Variants in PPP1R42 observed in about 807,000 individuals in gnomAD.
The protein encoded by PPP1R42 is protein phosphatase 1 regulatory subunit 42.
A neutral mutation model predicts 31.0 loss-of-function variants in PPP1R42; 34 were observed. The ratio of observed to expected loss-of-function variants is 1.10; its 90% CI spans 0.83 to 1.46. PPP1R42 has a LOEUF of 1.46. PPP1R42 is among the 40% of genes most tolerant of loss of function. The probability of loss-of-function intolerance (pLI) is 0.00; values close to 1 mark genes in which losing one functional copy is unlikely to be tolerated. For missense variants in PPP1R42, 268 were observed against 303.0 expected, an observed-to-expected ratio of 0.88 and a Z score of 0.86; for synonymous variants, 103 against 109.8, an observed-to-expected ratio of 0.94 and a Z score of 0.39.
chr8:66,976,925 G>C (rs190183511), intron 7 of PPP1R42, among the ~76,000 whole-genome samples: 4 of 152,070 alleles, frequency 2.6e-5, no homozygotes, highest in African/African-American at 9.7e-5. Context: ...ATGGTCAGTA[G>C]TGGGATTGCT....
At chr8:67,020,588 T>A (rs1295213995) in intron 1 of PPP1R42, among the ~76,000 whole-genome samples, 1 of 152,210 alleles carries the variant, frequency 6.6e-6, no homozygotes, top group Non-Finnish European at 1.5e-5. Context: ...TTACTTCAAT[T>A]TCTTACAAAA....
intron 1 of PPP1R42, among the ~76,000 whole-genome samples, chr8:67,021,950 TTGAG>T (rs767405758): frequency 9.9e-5 from 15 of 151,710 alleles, no homozygotes; most frequent in Non-Finnish European, 1.3e-4. Context: ...TGATTGATCT[TTGAG>T]TATTTCTTTT....
At chr8:66,990,308 T>TAA (rs59506662) in intron 5 of PPP1R42, among the ~76,000 whole-genome samples, 20,335 of 152,116 alleles carry the variant, frequency 0.13, 2,754 homozygotes, top group African/African-American at 0.35. Context: ...TTAATATAGA[T>TAA]AAAGAGTGCT....
At chr8:67,004,280 A>G (rs984671475) in intron 5 of PPP1R42, among the ~76,000 whole-genome samples, 2 of 152,044 alleles carry the variant, frequency 1.3e-5, no homozygotes, top group African/African-American at 2.4e-5. Context: ...CCAGAAACCA[A>G]CCTTTGCTGC....
At chr8:67,016,186 C>CAA (rs1816012376) in intron 2 of PPP1R42, among the ~76,000 whole-genome samples, 1 of 152,062 alleles carries the variant, frequency 6.6e-6, no homozygotes. Context: ...GGGGTCCCTA[C>CAA]AAAAAAACCA....
intron 7 of PPP1R42, among the ~76,000 whole-genome samples, chr8:66,964,759 A>G (rs1814335425): frequency 6.6e-6 from 1 of 152,140 alleles, no homozygotes; most frequent in Non-Finnish European, 1.5e-5. Flanking sequence ...TCACATTTCA[A>G]CTATTTCTCT....
At chr8:66,991,571 G>A (rs567368449) in intron 5 of PPP1R42, among the ~76,000 whole-genome samples, 2 of 152,136 alleles carry the variant, frequency 1.3e-5, no homozygotes, top group Non-Finnish European at 2.9e-5. Flanking sequence ...TGGGTCATCC[G>A]TCCACCAAGT....
At chr8:66,966,557 G>A (rs1460904327) in intron 7 of PPP1R42, among the ~76,000 whole-genome samples, 2 of 152,092 alleles carry the variant, frequency 1.3e-5, no homozygotes, top group Admixed American at 6.6e-5. Context: ...AGGCCGAGAC[G>A]GGTGGATCAC....
intron 6 of PPP1R42, among the ~76,000 whole-genome samples, chr8:66,986,524 A>G (rs1039825790): frequency 4.6e-5 from 7 of 152,214 alleles, no homozygotes; most frequent in African/African-American, 9.6e-5. Flanking sequence ...ACACGTGACC[A>G]GAGTGGGCCG....
chr8:67,014,362 C>A, intron 3 of PPP1R42, 64 bp downstream of exon 3: 1 of 985,394 alleles, frequency 1.0e-6, no homozygotes, highest in Non-Finnish European at 1.4e-6. Flanking sequence ...TGCCTTCATG[C>A]AAAAAAATGT....
intron 5 of PPP1R42, among the ~76,000 whole-genome samples, chr8:67,004,717 C>A (rs776915540): frequency 1.3e-5 from 2 of 152,006 alleles, no homozygotes; most frequent in Non-Finnish European, 2.9e-5. Context: ...TGATTTATTT[C>A]TTCGGAATTC....
chr8:67,028,529 C>G lies in PPP1R42; in HGVS notation c.-123G>C, dbSNP rs1816471067. On this transcript the variant is annotated 5_prime_UTR_variant, in exon 1 of 8. Coordinates refer to ENST00000685739, the MANE Select transcript of PPP1R42 (RefSeq NM_001364910.1). ...GTCCGGTAGCTAACTCCAGTTTGGT[C>G]GGTTTCATCGGCGCCGGGTCCCTAC... is the stretch of plus-strand genomic sequence containing the variant. 1.0e-6 allele frequency: 1 copy of G among 985,512 alleles called. No individual in the cohort carries two copies. The highest frequency in any genetic ancestry group is 4.7e-5 in the South Asian group (1 of 21,294). 61.0% of individuals were successfully genotyped at this position (985,512 alleles called of 1,614,324 possible). A position where few individuals can be genotyped will look rare whatever the true frequency, so the allele number is the denominator to read the frequency against.
chr8:66,966,811 G>A lies in PPP1R42; in HGVS notation c.803-2477C>T, dbSNP rs148094697. ...AAAAAAAAAAAATTGTTTGGATAAT[G>A]AAGATTCAGCTTTCAAAATATAGGC... On this transcript the variant is annotated intron_variant, in intron 7 of 7. Coordinates refer to ENST00000685739, the MANE Select transcript of PPP1R42 (RefSeq NM_001364910.1). Among the ~76,000 whole-genome samples, 116 of 152,198 alleles carry A rather than the reference G, an allele frequency of 7.6e-4. 1 individual carries two copies. Among genetic ancestry groups the A allele is most frequent in the African/African-American group, 2.6e-3 (109 of 41,514 alleles).
At chr8:67,012,743 C>T (rs1339890435) in intron 4 of PPP1R42, among the ~76,000 whole-genome samples, 1 of 152,164 alleles carries the variant, frequency 6.6e-6, no homozygotes, top group Admixed American at 6.5e-5. Flanking sequence ...CTTCCAGTTA[C>T]CCAAAGAGGC....
At chr8:66,971,361 G>T (rs1229951177) in intron 7 of PPP1R42, among the ~76,000 whole-genome samples, 1 of 152,138 alleles carries the variant, frequency 6.6e-6, no homozygotes, top group South Asian at 2.1e-4. Context: ...AATAAAATGA[G>T]CATGCCAACA....
intron 5 of PPP1R42, among the ~76,000 whole-genome samples, chr8:67,005,918 T>C (rs942200519): frequency 2.6e-5 from 4 of 152,204 alleles, no homozygotes; most frequent in African/African-American, 7.2e-5. Flanking sequence ...TGGCTTTCTA[T>C]TGCACTTAGA....
intron 6 of PPP1R42, chr8:66,986,162 C>T (rs936280296): frequency 2.6e-5 from 16 of 626,142 alleles, no homozygotes; most frequent in Non-Finnish European, 3.6e-5. Flanking sequence ...AAACCCAGCA[C>T]GCTTTTCACT....
intron 6 of PPP1R42, chr8:66,984,180 A>C: frequency 6.3e-7 from 1 of 1,585,112 alleles, no homozygotes; most frequent in South Asian, 1.1e-5. Context: ...GGTCCCAGTA[A>C]TGTTCAGCCC....
At chr8:67,026,619 TGAGCCCAGGAGTTC>T (rs1348428986) in intron 1 of PPP1R42, among the ~76,000 whole-genome samples, 2 of 151,972 alleles carry the variant, frequency 1.3e-5, no homozygotes, top group Non-Finnish European at 2.9e-5. Flanking sequence ...GAGGATTGCT[TGAGCCCAGGAGTTC>T]GAGACCAGCC....
Sources: gnomAD v4.1 joint callset for allele counts (sites outside exome capture counted in the v4.1 genomes callset) on GRCh38, gnomAD v4.1.1 for gene constraint, MANE v1.5 for transcripts, NCBI Gene and HGNC (gene_info 2026-07-23, HGNC 2026-07-21) for gene names.